The following MAT2B variants were observed in gnomAD, a reference collection of about 807,000 sequenced individuals.
The protein encoded by MAT2B is methionine adenosyltransferase 2 non-catalytic beta subunit.
A neutral mutation model predicts 36.1 loss-of-function variants in MAT2B; 16 were observed. The ratio of observed to expected loss-of-function variants is 0.44; its 90% CI spans 0.30 to 0.67. MAT2B has a LOEUF of 0.67. Ranked by LOEUF, MAT2B falls within the 30% of genes least tolerant of loss-of-function variation. MAT2B has a pLI of 0.09. For missense variants in MAT2B, 332 were observed against 398.2 expected (o/e 0.83, Z 1.42); for synonymous variants, 148 against 136.9 (o/e 1.08, Z -0.57).
At chr5:163,503,853 C>T (rs1019047610), upstream of MAT2B, among the ~76,000 whole-genome samples, 3 of 152,116 alleles carry the variant, frequency 2.0e-5, no homozygotes, top group African/African-American at 7.2e-5. Context: ...TGTATATTGT[C>T]TATGTTAAGA....
rs1349792699 is a variant in MAT2B at position 163,516,665 on chromosome 5, A to C, written c.674A>C (p.Lys225Thr). Residue 225 changes from lysine (K) to threonine (T), a missense_variant, in exon 5 of 7, where the codon AAA (lysine) becomes ACA (threonine). Coordinates refer to ENST00000321757, the MANE Select transcript of MAT2B (RefSeq NM_013283.5). ...HWQQRFPTHV[K>T]DVATVCRQLA... ...CAGCAGAGGTTCCCCACACATGTCA[A>C]AGATGTGGCCACTGTGTGCCGGCAG... 6.2e-7 allele frequency: 1 copy of C among 1,614,180 alleles called. No homozygotes were observed. The highest frequency in any genetic ancestry group is 1.3e-5 in the African/African-American group (1 of 75,052).
chr5:163,517,739 T>A, intron 6 of MAT2B, 65 bp downstream of exon 6: 1 of 997,482 alleles, frequency 1.0e-6, no homozygotes, highest in Non-Finnish European at 1.6e-6. Context: ...CTGTGTTGGG[T>A]AACTTCATTT....
At chr5:163,518,159 C>T in intron 6 of MAT2B, 34 bp from the exon 7 acceptor site, 2 of 1,523,746 alleles carry the variant, frequency 1.3e-6, no homozygotes, top group Non-Finnish European at 1.8e-6. Flanking sequence ...CTTTCACTTA[C>T]TTTTGATTTT....
At position 163,512,170 on chromosome 5, in the gene MAT2B, G is replaced by A; in HGVS notation, c.232G>A (p.Val78Ile). The A allele has an allele frequency of 1.9e-6, 3 of 1,613,956 alleles. No homozygotes were observed. Among genetic ancestry groups the A allele is most frequent in the Non-Finnish European group, 2.5e-6 (3 of 1,179,848 alleles). ...EQVNLLDSNAVHHIIHDFQPH... is the reference protein window; with the variant it reads ...EQVNLLDSNAIHHIIHDFQPH... The stretch of plus-strand genomic sequence containing the variant: ...GGTTAATCTGTTGGATTCTAATGCA[G>A]TTCATCACATCATTCATGATTTTCA... Residue 78 changes from valine (V) to isoleucine (I), a missense_variant, in exon 2 of 7, where the codon GTT (valine) becomes ATT (isoleucine). Coordinates refer to ENST00000321757, the MANE Select transcript of MAT2B (RefSeq NM_013283.5).
chr5:163,509,708 C>A (rs1044354549), intron 1 of MAT2B, among the ~76,000 whole-genome samples: 1 of 152,106 alleles, frequency 6.6e-6, no homozygotes, highest in Non-Finnish European at 1.5e-5. Flanking sequence ...AAATTGTTTT[C>A]TCTGACTGTA....
chr5:163,503,258 A>G, upstream of MAT2B: 3 of 708,482 alleles, frequency 4.2e-6, no homozygotes, highest in Middle Eastern at 5.2e-4. Context: ...ATGCTAATTT[A>G]AAAGGTCAAG....
intron 2 of MAT2B, chr5:163,512,965 G>T: frequency 4.5e-6 from 1 of 220,686 alleles, no homozygotes; most frequent in Non-Finnish European, 9.2e-6. Context: ...ACAGATTTGA[G>T]CCACCGCGCC....
At chr5:163,506,418 T>G (rs928878712) in intron 1 of MAT2B, among the ~76,000 whole-genome samples, 3 of 152,146 alleles carry the variant, frequency 2.0e-5, no homozygotes, top group African/African-American at 4.8e-5. Flanking sequence ...TGGTGATGAT[T>G]GGAAGATCCA....
chr5:163,517,719 T>C (rs1561658772), intron 6 of MAT2B, 45 bp downstream of exon 6: 1 of 1,170,250 alleles, frequency 8.5e-7, no homozygotes, highest in Non-Finnish European at 1.3e-6. Context: ...TGCTATGGTA[T>C]ATATTATTGC....
intron 1 of MAT2B, among the ~76,000 whole-genome samples, chr5:163,511,760 C>T (rs939136373): frequency 1.3e-5 from 2 of 151,450 alleles, no homozygotes; most frequent in African/African-American, 2.4e-5. Flanking sequence ...ATTATGTTAC[C>T]CAGGCTGGTC....
rs562150016 is a variant in MAT2B, at chr5:163,511,943, A to G, written c.64-59A>G. The stretch of plus-strand genomic sequence containing the variant: ...TTAGGGAACAACGATGGTGCCTAAT[A>G]TATTTGAGAGAACTGTTTTCAAAGT... On this transcript the variant is annotated intron_variant, in intron 1 of 6. Coordinates refer to ENST00000321757, the MANE Select transcript of MAT2B (RefSeq NM_013283.5). 2.0e-4 allele frequency: 262 copies of G among 1,280,726 alleles called. 8 individuals carry two copies. In the Middle Eastern group the frequency reaches 0.015, roughly 74 times the overall value. The allele number at this position is 1,280,726 out of a possible 1,614,324, so 79.3% of individuals were successfully genotyped here.
In MAT2B at chr5:163,518,095, AAT is replaced by A. The variant is rs1352589874; in HGVS notation, c.835-92_835-91del. On this transcript the variant is annotated intron_variant, in intron 6 of 6. Transcript: ENST00000321757. Reference sequence around the variant, plus strand: ...GAGGGAGATCTCATCTCTGTTTAAAAATATATACATATTTAAAAAAAGGTCAG... The same window carrying A: ...GAGGGAGATCTCATCTCTGTTTAAAAATATACATATTTAAAAAAAGGTCAG... 1.2e-5 allele frequency: 10 copies of A among 813,222 alleles called. No individual in the cohort carries two copies. In the Admixed American group the frequency reaches 2.8e-4, roughly 23 times the overall value. 50.4% of individuals were successfully genotyped at this position (813,222 alleles called of 1,614,324 possible).
At chr5:163,511,587 C>G (rs985055505) in intron 1 of MAT2B, among the ~76,000 whole-genome samples, 1 of 151,848 alleles carries the variant, frequency 6.6e-6, no homozygotes, top group Non-Finnish European at 1.5e-5. Flanking sequence ...CTGGCAAAAG[C>G]TTTTTCTTAA....
intron 2 of MAT2B, chr5:163,512,433 G>A (rs1760060599): frequency 9.2e-6 from 5 of 540,940 alleles, no homozygotes. Flanking sequence ...TTTATAGAGT[G>A]CCTTCTAAGT....
At chr5:163,504,323 G>C (rs1381422814), upstream of MAT2B, among the ~76,000 whole-genome samples, 1 of 27,554 alleles carries the variant, frequency 3.6e-5, no homozygotes, top group South Asian at 3.1e-3. Context: ...GTAATAGCCT[G>C]TGTTTAAAAA....
At chr5:163,510,780 G>A (rs1214665610) in intron 1 of MAT2B, among the ~76,000 whole-genome samples, 3 of 152,164 alleles carry the variant, frequency 2.0e-5, no homozygotes, top group Admixed American at 1.3e-4. Context: ...GCATTTAAGT[G>A]TTGTAAGGAC....
chr5:163,506,451 C>T (rs1255748195), intron 1 of MAT2B, among the ~76,000 whole-genome samples: 3 of 152,124 alleles, frequency 2.0e-5, no homozygotes, highest in Admixed American at 6.5e-5. Context: ...CCCTCGCCCC[C>T]GTCCCATCCT....
At chr5:163,517,783 G>A in intron 6 of MAT2B, 109 bp downstream of exon 6, 1 of 656,120 alleles carries the variant, frequency 1.5e-6, no homozygotes, top group Admixed American at 2.3e-5. Context: ...TTGCTTGTAT[G>A]CTGGCTGTTC....
chr5:163,505,460 T>C (rs1759910939), upstream of MAT2B: 2 of 1,156,420 alleles, frequency 1.7e-6, no homozygotes, highest in Non-Finnish European at 2.2e-6. Context: ...GCTTTAAGCA[T>C]CGGCGCGTGG....
Sources: allele counts gnomAD v4.1 joint callset (sites outside exome capture counted in the v4.1 genomes callset), GRCh38; gene constraint gnomAD v4.1.1; transcripts MANE v1.5; gene names NCBI Gene and HGNC (gene_info 2026-07-23, HGNC 2026-07-21).